Variants in STARD13 observed in about 807,000 individuals in gnomAD.
STARD13 encodes the protein stAR-related lipid transfer protein 13.
Under a neutral mutation model 106.4 loss-of-function variants are expected in STARD13, and 62 were observed. The observed-to-expected ratio is 0.58, with a 90% CI of 0.48 to 0.72. The LOEUF (loss-of-function observed/expected upper bound fraction) is 0.72. Among genes scored for constraint, STARD13 ranks in the 30% least tolerant of loss-of-function variants. The pLI, the probability that STARD13 is intolerant of heterozygous loss-of-function variation, is 0.00. For synonymous variants in STARD13, 565 were observed against 553.0 expected (o/e 1.02, Z -0.31); for missense variants, 1,387 against 1,424.0 (o/e 0.97, Z 0.42).
chr13:33,510,251 G>A, the STARD13 span, among the ~76,000 whole-genome samples: 3 of 152,220 alleles, frequency 2.0e-5, no homozygotes, highest in African/African-American at 7.2e-5. Flanking sequence ...GTTGAAAGCA[G>A]TAACTGGATG....
At chr13:33,189,543 A>G (rs1886089192) in intron 1 of STARD13, among the ~76,000 whole-genome samples, 1 of 151,624 alleles carries the variant, frequency 6.6e-6, no homozygotes, top group Non-Finnish European at 1.5e-5. Context: ...ATAGGCTAGC[A>G]GGAGTACTTC....
the STARD13 span, among the ~76,000 whole-genome samples, chr13:33,624,685 T>G: frequency 6.6e-6 from 1 of 152,188 alleles, no homozygotes. Flanking sequence ...TATTCAACAG[T>G]GTCTGTTAAA....
At position 33,321,986 on chromosome 13, in the gene STARD13, G is replaced by A. The variant is rs974531325; in HGVS notation, c.124+28304C>T. Among the ~76,000 whole-genome samples, 8 of 152,138 alleles carry A rather than the reference G, an allele frequency of 5.3e-5. No homozygotes were observed. In the South Asian group the frequency reaches 6.2e-4, roughly 12 times the overall value. Reference sequence around the variant, plus strand: ...GGCTAAACTAAAAATCAGAGTCTGCGTCCTCTAATTTTTTTGAATTCTTCT... The same window carrying A: ...GGCTAAACTAAAAATCAGAGTCTGCATCCTCTAATTTTTTTGAATTCTTCT... On this transcript the variant is annotated intron_variant, in intron 1 of 5. Coordinates refer to the STARD13 transcript ENST00000567873.
intron 1 of STARD13, among the ~76,000 whole-genome samples, chr13:33,185,689 C>T (rs1012156893): frequency 2.6e-5 from 4 of 152,188 alleles, no homozygotes; most frequent in Non-Finnish European, 4.4e-5. Context: ...GAATGACATT[C>T]TTCTTCTGCT....
chr13:33,302,408 CATTTA>C (rs1271923669), intron 1 of STARD13, among the ~76,000 whole-genome samples: 3 of 152,028 alleles, frequency 2.0e-5, no homozygotes, highest in Non-Finnish European at 2.9e-5. Flanking sequence ...CAAATTTTTA[CATTTA>C]ATTTAATTTT....
At chr13:33,118,034 C>A (rs534636563) in intron 8 of STARD13, 31 bp downstream of exon 8, 1 of 1,611,048 alleles carries the variant, frequency 6.2e-7, no homozygotes. Context: ...AGGATGCCCA[C>A]GAGAACACCA....
At chr13:33,224,803 T>A (rs1888535915) in intron 1 of STARD13, among the ~76,000 whole-genome samples, 1 of 152,228 alleles carries the variant, frequency 6.6e-6, no homozygotes, top group Admixed American at 6.5e-5. Flanking sequence ...CAATATTGAC[T>A]AGAACACAAA....
At chr13:33,277,057 A>AG in intron 1 of STARD13, among the ~76,000 whole-genome samples, 1 of 91,312 alleles carries the variant, frequency 1.1e-5, no homozygotes, top group Non-Finnish European at 2.6e-5. Flanking sequence ...TGAAAAAAAA[A>AG]AAAGAGAGAG....
chr13:33,162,876 G>A lies in STARD13; in HGVS notation c.323+2461C>T, dbSNP rs112760549. On this transcript the variant is annotated intron_variant, in intron 3 of 13. Transcript: ENST00000336934. Reference sequence around the variant, plus strand: ...CTTCTGCCTGATACCCAGTTCCAAAGTTGTTTCCACATTTTCAGGTATCTT... The same window carrying A: ...CTTCTGCCTGATACCCAGTTCCAAAATTGTTTCCACATTTTCAGGTATCTT... 6.9e-3 allele frequency among the ~76,000 whole-genome samples: 1,049 copies of A among 151,834 alleles called. 5 individuals are homozygous for A. Among genetic ancestry groups the A allele is most frequent in the African/African-American group, 0.023 (942 of 41,364 alleles).
chr13:33,663,044 C>T, the STARD13 span, among the ~76,000 whole-genome samples: 10 of 152,254 alleles, frequency 6.6e-5, no homozygotes, highest in African/African-American at 2.2e-4. Context: ...ATTGATGCAA[C>T]CTTTCTAGAA....
chr13:33,318,746 T>C (rs1893438072), intron 1 of STARD13, among the ~76,000 whole-genome samples: 1 of 151,826 alleles, frequency 6.6e-6, no homozygotes, highest in African/African-American at 2.4e-5. Context: ...AAAGTAAGAA[T>C]GGTCAGAGAT....
intron 1 of STARD13, among the ~76,000 whole-genome samples, chr13:33,338,649 A>C (rs2077922997): frequency 6.6e-6 from 1 of 152,094 alleles, no homozygotes; most frequent in South Asian, 2.1e-4. Context: ...TGGACATGGG[A>C]TCTAGAATGA....
chr13:33,170,007 G>A (rs999408365), intron 1 of STARD13, among the ~76,000 whole-genome samples: 1 of 151,462 alleles, frequency 6.6e-6, no homozygotes, highest in African/African-American at 2.4e-5. Context: ...GGCTGAGGAG[G>A]GTAGTGGGGG....
At chr13:33,503,096 T>G in the STARD13 span, among the ~76,000 whole-genome samples, 1 of 152,232 alleles carries the variant, frequency 6.6e-6, no homozygotes, top group Non-Finnish European at 1.5e-5. Flanking sequence ...AACTTCTTCC[T>G]GGTTTAGGCT....
the STARD13 span, among the ~76,000 whole-genome samples, chr13:33,485,498 A>T: frequency 6.6e-6 from 1 of 152,202 alleles, no homozygotes; most frequent in Non-Finnish European, 1.5e-5. Flanking sequence ...TGTTTTAAAG[A>T]AGAACAACAT....
chr13:33,397,625 G>A, the STARD13 span, among the ~76,000 whole-genome samples: 2 of 152,190 alleles, frequency 1.3e-5, no homozygotes, highest in South Asian at 2.1e-4. Flanking sequence ...TGACAGAGAT[G>A]TAGCTTTCTG....
the STARD13 span, among the ~76,000 whole-genome samples, chr13:33,654,211 A>G: frequency 3.5e-4 from 53 of 152,326 alleles, 1 homozygote; most frequent in East Asian, 9.6e-3. Flanking sequence ...CATGTTTATA[A>G]TAGCCCAAAG....
the STARD13 span, among the ~76,000 whole-genome samples, chr13:33,522,121 A>G: frequency 6.6e-6 from 1 of 152,156 alleles, no homozygotes; most frequent in Non-Finnish European, 1.5e-5. Flanking sequence ...TTCTTTACGA[A>G]AAAGAAACAA....
At position 33,131,409 on chromosome 13, in the gene STARD13, C is replaced by T. The variant is rs148681251; in HGVS notation, c.388-1120G>A. Among the ~76,000 whole-genome samples, 170 of 149,528 alleles carry T rather than the reference C, an allele frequency of 1.1e-3. 1 individual carries two copies. The highest frequency in any genetic ancestry group is 3.9e-3 in the African/African-American group (157 of 40,658). ...TCTTCCCCATCTAAATAGCTTTCCA[C>T]AGTGTAGTCCAAATCGAATCATATG... On this transcript the variant is annotated intron_variant, in intron 4 of 13. Transcript: ENST00000336934.
Sources: allele counts gnomAD v4.1 joint callset (sites outside exome capture counted in the v4.1 genomes callset), GRCh38; gene constraint gnomAD v4.1.1; transcripts MANE v1.5; gene names NCBI Gene and HGNC (gene_info 2026-07-23, HGNC 2026-07-21).